SUMF1: variants seen among roughly 807,000 people sequenced by gnomAD.
The protein encoded by SUMF1 is sulfatase modifying factor 1, also known as formylglycine-generating enzyme.
SUMF1 carries 48 observed loss-of-function variants against 47.6 expected under a neutral mutation model. That is an observed-to-expected ratio of 1.01 (90% confidence interval 0.80 to 1.28). The LOEUF is 1.28. Ranked by LOEUF, SUMF1 falls within the 50% of genes most tolerant of loss-of-function variation. The probability of loss-of-function intolerance (pLI) is 0.00; values close to 1 mark genes in which losing one functional copy is unlikely to be tolerated. For synonymous variants in SUMF1, 230 were observed against 192.1 expected (o/e 1.20, Z -1.63); for missense variants, 571 against 485.4 (o/e 1.18, Z -1.66).
chr3:4,295,648 CAT>C (rs1202811969), intron 8 of SUMF1, among the ~76,000 whole-genome samples: 1 of 152,116 alleles, frequency 6.6e-6, no homozygotes, highest in Non-Finnish European at 1.5e-5. Context: ...TAAATTTGTT[CAT>C]ATGTTTTCCG....
intron 8 of SUMF1, among the ~76,000 whole-genome samples, chr3:4,215,604 G>A (rs527678017): frequency 1.1e-4 from 17 of 152,258 alleles, no homozygotes; most frequent in African/African-American, 2.9e-4. Context: ...AAGTCAAATC[G>A]TCTCTGTTTG....
chr3:4,145,869 C>G (rs1316632135), intron 8 of SUMF1, among the ~76,000 whole-genome samples: 1 of 152,076 alleles, frequency 6.6e-6, no homozygotes, highest in Non-Finnish European at 1.5e-5. Flanking sequence ...TCTTCCTTTT[C>G]CCCCCGTCTA....
intron 8 of SUMF1, among the ~76,000 whole-genome samples, chr3:4,204,416 C>G (rs1442268921): frequency 6.6e-6 from 1 of 151,988 alleles, no homozygotes; most frequent in Non-Finnish European, 1.5e-5. Flanking sequence ...ATTCTTTATT[C>G]TTAACCTTTG....
intron 8 of SUMF1, among the ~76,000 whole-genome samples, chr3:4,116,735 T>C (rs1277307320): frequency 1.3e-5 from 2 of 152,046 alleles, no homozygotes; most frequent in Admixed American, 6.6e-5. Context: ...ATCTTCAGTA[T>C]AGGGTATCGT....
chr3:4,204,810 C>G (rs1270832333), intron 8 of SUMF1, among the ~76,000 whole-genome samples: 2 of 137,320 alleles, frequency 1.5e-5, no homozygotes, highest in Non-Finnish European at 3.2e-5. Flanking sequence ...ACTTTTTCAG[C>G]TCCAGGATCT....
chr3:4,284,505 G>C (rs1011371217), intron 8 of SUMF1, among the ~76,000 whole-genome samples: 3 of 149,080 alleles, frequency 2.0e-5, no homozygotes, highest in African/African-American at 7.4e-5. Context: ...AAGTACAAAA[G>C]AAGGGGCTTG....
At position 4,326,085 on chromosome 3, in the gene SUMF1, G is replaced by A. The variant is rs188248108; in HGVS notation, c.1014+50245C>T. 1.2e-3 allele frequency among the ~76,000 whole-genome samples: 179 copies of A among 152,304 alleles called. 1 individual carries two copies. Among genetic ancestry groups the A allele is most frequent in the African/African-American group, 4.0e-3 (166 of 41,570 alleles). On this transcript the variant is annotated intron_variant and NMD_transcript_variant, in intron 8 of 12. Transcript: ENST00000448413. ...GATCCTCCCACTTTGGCCTCCCAAA[G>A]TGCTGGGATTACAGGCGTGAGCCAC...
chr3:4,254,197 G>A (rs951757797), intron 8 of SUMF1, among the ~76,000 whole-genome samples: 2 of 152,002 alleles, frequency 1.3e-5, no homozygotes, highest in Admixed American at 1.3e-4. Flanking sequence ...ACTCTAAAAA[G>A]CAGAGCGCCT....
At chr3:4,155,701 A>T (rs891965992) in intron 8 of SUMF1, among the ~76,000 whole-genome samples, 3 of 151,440 alleles carry the variant, frequency 2.0e-5, no homozygotes, top group Admixed American at 6.6e-5. Flanking sequence ...AAACTCTTTC[A>T]TGCTTAAGCA....
intron 3 of SUMF1, among the ~76,000 whole-genome samples, chr3:4,441,961 C>T (rs1702604543): frequency 6.6e-6 from 1 of 152,220 alleles, no homozygotes; most frequent in African/African-American, 2.4e-5. Context: ...AAAGTATCCT[C>T]ACCAAACCCA....
At chr3:4,087,758 T>A (rs1692701745) in intron 8 of SUMF1, among the ~76,000 whole-genome samples, 1 of 152,038 alleles carries the variant, frequency 6.6e-6, no homozygotes, top group Non-Finnish European at 1.5e-5. Flanking sequence ...CATTTTAATA[T>A]TTATCTAATA....
chr3:4,339,908 C>G (rs1462687711), intron 8 of SUMF1, among the ~76,000 whole-genome samples: 3 of 152,124 alleles, frequency 2.0e-5, no homozygotes, highest in Admixed American at 6.6e-5. Context: ...AAAACCCCAC[C>G]TCTACAAAAA....
At position 4,361,847 on chromosome 3, in the gene SUMF1, G is replaced by A. The variant is rs111257010; in HGVS notation, c.*297C>T. ...GTCTAACCCCTGTGGCAGAGCCTGC[G>A]TAGGACGCGGGCCTCCTGAAGCCTA... is the stretch of plus-strand genomic sequence containing the variant. On this transcript the variant is annotated 3_prime_UTR_variant, in exon 9 of 9. Coordinates refer to ENST00000272902, the MANE Select transcript of SUMF1 (RefSeq NM_182760.4). 4.3e-4 allele frequency: 173 copies of A among 403,800 alleles called. 1 individual carries two copies. The Middle Eastern group carries it at 8.9e-3, about 21-fold the overall frequency. The allele number at this position is 403,800 out of a possible 1,614,324, so 25.0% of individuals were successfully genotyped here.
At chr3:4,272,556 G>C (rs527346305) in intron 8 of SUMF1, among the ~76,000 whole-genome samples, 1 of 152,238 alleles carries the variant, frequency 6.6e-6, no homozygotes, top group East Asian at 1.9e-4. Context: ...AGCAGACCTG[G>C]AAGCGGGAGG....
At chr3:4,243,973 T>G (rs563538685) in intron 8 of SUMF1, among the ~76,000 whole-genome samples, 3 of 152,324 alleles carry the variant, frequency 2.0e-5, no homozygotes, top group African/African-American at 7.2e-5. Context: ...TTAGGATAGT[T>G]AGCTCTTCTT....
chr3:4,455,107 C>A (rs934508819), intron 1 of SUMF1, among the ~76,000 whole-genome samples: 3 of 152,126 alleles, frequency 2.0e-5, no homozygotes, highest in Non-Finnish European at 4.4e-5. Flanking sequence ...AAACCACAGG[C>A]CTTCAACCAT....
intron 8 of SUMF1, among the ~76,000 whole-genome samples, chr3:4,294,851 A>G (rs1434623424): frequency 6.6e-6 from 1 of 151,546 alleles, no homozygotes; most frequent in African/African-American, 2.4e-5. Flanking sequence ...GTAGTCAGAC[A>G]CTGAGCGAGG....
intron 8 of SUMF1, among the ~76,000 whole-genome samples, chr3:4,100,437 G>C (rs1559470329): frequency 6.6e-6 from 1 of 152,006 alleles, no homozygotes; most frequent in African/African-American, 2.4e-5. Flanking sequence ...CACTAATGGG[G>C]AAAAGATGGT....
chr3:4,253,931 G>A (rs1461927776), intron 8 of SUMF1, among the ~76,000 whole-genome samples: 4 of 150,358 alleles, frequency 2.7e-5, no homozygotes, highest in African/African-American at 4.9e-5. Flanking sequence ...CTGGCAGACT[G>A]CCTCCTCAAG....
Sources: gnomAD v4.1 joint callset for allele counts (sites outside exome capture counted in the v4.1 genomes callset) on GRCh38, gnomAD v4.1.1 for gene constraint, MANE v1.5 for transcripts, NCBI Gene and HGNC (gene_info 2026-07-23, HGNC 2026-07-21) for gene names.